Variants in LGSN observed in about 807,000 individuals in gnomAD.
LGSN encodes the protein lengsin, lens protein with glutamine synthetase domain, also known as lengsin.
LGSN carries 21 observed loss-of-function variants against 19.5 expected under a neutral mutation model. The observed-to-expected ratio is 1.07, with a 90% CI of 0.76 to 1.55. LGSN has a LOEUF of 1.55. Ranked by LOEUF, LGSN falls within the 40% of genes most tolerant of loss-of-function variation. The probability of loss-of-function intolerance (pLI) is 0.00; values close to 1 mark genes in which losing one functional copy is unlikely to be tolerated. For synonymous variants in LGSN, 257 were observed against 215.6 expected (o/e 1.19, Z -1.68); for missense variants, 673 against 608.5 (o/e 1.11, Z -1.12).
the LGSN span, among the ~76,000 whole-genome samples, chr6:63,371,271 C>A: frequency 1.1e-4 from 16 of 152,176 alleles, no homozygotes; most frequent in African/African-American, 3.4e-4. Context: ...GGATCAGGAC[C>A]AAGGTCAGTC....
chr6:63,345,502 T>C, the LGSN span, among the ~76,000 whole-genome samples: 3 of 152,206 alleles, frequency 2.0e-5, no homozygotes, highest in African/African-American at 7.2e-5. Flanking sequence ...ATGAGACCTG[T>C]CTTGGGAGGT....
At chr6:63,398,899 G>A in the LGSN span, among the ~76,000 whole-genome samples, 1 of 151,912 alleles carries the variant, frequency 6.6e-6, no homozygotes, top group East Asian at 1.9e-4. Flanking sequence ...GAACCTTCTG[G>A]GCTCAAGCGA....
the LGSN span, among the ~76,000 whole-genome samples, chr6:63,544,436 T>C: frequency 6.6e-6 from 1 of 152,120 alleles, no homozygotes; most frequent in African/African-American, 2.4e-5. Flanking sequence ...GAATATATAT[T>C]CTCTTACATA....
In LGSN at chr6:63,298,720, T is replaced by A. The variant is rs552970136; in HGVS notation, c.31-3675A>T. ...CAAAAATGGCAAAATCTTATAAAGATAATTTAAAATTATAGTGGAATGCTC... is the reference window on the plus strand; with the variant it reads ...CAAAAATGGCAAAATCTTATAAAGAAAATTTAAAATTATAGTGGAATGCTC... On this transcript the variant is annotated intron_variant, in intron 1 of 3. Transcript: ENST00000370657. Among the ~76,000 whole-genome samples the A allele has an allele frequency of 2.0e-5, 3 of 152,308 alleles. No homozygotes were observed. The East Asian group carries it at 5.8e-4, about 29-fold the overall frequency.
the LGSN span, among the ~76,000 whole-genome samples, chr6:63,475,410 C>T: frequency 2.0e-5 from 3 of 150,244 alleles, no homozygotes; most frequent in African/African-American, 7.3e-5. Flanking sequence ...ACCAACCCAA[C>T]ATGGTATGTT....
upstream of LGSN, among the ~76,000 whole-genome samples, chr6:63,320,854 C>A (rs1276033629): frequency 2.6e-5 from 4 of 152,192 alleles, no homozygotes; most frequent in East Asian, 5.8e-4. Flanking sequence ...CCAATACTTA[C>A]AACCACTCAA....
chr6:63,559,850 C>T, the LGSN span, among the ~76,000 whole-genome samples: 1 of 152,152 alleles, frequency 6.6e-6, no homozygotes, highest in Admixed American at 6.5e-5. Context: ...TGGTTTCGAA[C>T]TCCTGGGCTC....
chr6:63,392,881 CTTTTTTTTT>C, the LGSN span, among the ~76,000 whole-genome samples: 1 of 109,942 alleles, frequency 9.1e-6, no homozygotes, highest in Admixed American at 9.5e-5. Flanking sequence ...TCTTCTTCTT[CTTTTTTTTT>C]TTTTTTTTTT....
the LGSN span, among the ~76,000 whole-genome samples, chr6:63,351,455 C>T: frequency 6.9e-6 from 1 of 145,074 alleles, no homozygotes; most frequent in Admixed American, 6.9e-5. Flanking sequence ...GAGAGAGAGA[C>T]AGAGAAAGAG....
chr6:63,456,541 G>GT, the LGSN span, among the ~76,000 whole-genome samples: 2 of 151,294 alleles, frequency 1.3e-5, no homozygotes, highest in African/African-American at 4.9e-5. Flanking sequence ...GTTTGCCTCA[G>GT]TTTTTTTGTT....
chr6:63,295,129 G>C (rs1369880304), intron 1 of LGSN, 84 bp from the exon 2 acceptor site: 8 of 1,308,694 alleles, frequency 6.1e-6, no homozygotes, highest in Non-Finnish European at 8.7e-6. Flanking sequence ...TATTTGAATA[G>C]CTCAATTTTT....
chr6:63,348,474 T>C, the LGSN span, among the ~76,000 whole-genome samples: 1 of 151,870 alleles, frequency 6.6e-6, no homozygotes, highest in Admixed American at 6.6e-5. Flanking sequence ...AAAAAATATA[T>C]GGAAATGTAA....
the LGSN span, among the ~76,000 whole-genome samples, chr6:63,431,111 C>T: frequency 6.6e-6 from 1 of 152,150 alleles, no homozygotes; most frequent in Non-Finnish European, 1.5e-5. Flanking sequence ...TCACAAATAA[C>T]CCTGTGAGCC....
chr6:63,464,147 A>T, the LGSN span, among the ~76,000 whole-genome samples: 1 of 44,872 alleles, frequency 2.2e-5, no homozygotes, highest in African/African-American at 4.3e-5. Context: ...TTCCCTAATT[A>T]AAAAAAAAAA....
At chr6:63,521,262 G>T in the LGSN span, among the ~76,000 whole-genome samples, 2 of 152,014 alleles carry the variant, frequency 1.3e-5, no homozygotes, top group Non-Finnish European at 2.9e-5. Context: ...AGCAAGAAAA[G>T]AAAAAAACGG....
At chr6:63,565,798 C>T in the LGSN span, among the ~76,000 whole-genome samples, 1 of 152,150 alleles carries the variant, frequency 6.6e-6, no homozygotes, top group Non-Finnish European at 1.5e-5. Flanking sequence ...GATTATTCAT[C>T]AAAACTTACT....
chr6:63,407,719 G>A, the LGSN span, among the ~76,000 whole-genome samples: 1 of 152,104 alleles, frequency 6.6e-6, no homozygotes, highest in Non-Finnish European at 1.5e-5. Flanking sequence ...TATTCAATTA[G>A]GAAAAGAGGA....
chr6:63,488,821 G>A, the LGSN span, among the ~76,000 whole-genome samples: 3 of 148,752 alleles, frequency 2.0e-5, no homozygotes, highest in Non-Finnish European at 4.5e-5. Flanking sequence ...CCATCTCAGA[G>A]AAGAATAAAA....
chr6:63,443,783 G>A, the LGSN span, among the ~76,000 whole-genome samples: 1 of 152,134 alleles, frequency 6.6e-6, no homozygotes, highest in African/African-American at 2.4e-5. Flanking sequence ...AGAAATGGGA[G>A]GTGGTGGGGG....
Sources: gnomAD v4.1 joint callset for allele counts (sites outside exome capture counted in the v4.1 genomes callset) on GRCh38, gnomAD v4.1.1 for gene constraint, MANE v1.5 for transcripts, NCBI Gene and HGNC (gene_info 2026-07-23, HGNC 2026-07-21) for gene names.